KIFC3: variants seen among roughly 807,000 people sequenced by gnomAD.
KIFC3 encodes the protein kinesin family member C3, also known as kinesin-like protein KIFC3.
A neutral mutation model predicts 101.8 loss-of-function variants in KIFC3; 60 were observed. The observed-to-expected ratio is 0.59, with a 90% CI of 0.48 to 0.73. The LOEUF (loss-of-function observed/expected upper bound fraction) is 0.73, where lower values mean the gene tolerates loss of function less well. Among genes scored for constraint, KIFC3 ranks in the 30% least tolerant of loss-of-function variants. The pLI is 0.00. For synonymous variants in KIFC3, 476 were observed against 482.7 expected (o/e 0.99, Z 0.18); for missense variants, 966 against 1,137.1 (o/e 0.85, Z 2.16).
At position 57,759,168 on chromosome 16, in the gene KIFC3, A is replaced by G. The variant is rs1281001804; in HGVS notation, c.2477-15T>C. On this transcript the variant is annotated splice_polypyrimidine_tract_variant and intron_variant, in intron 18 of 19. Coordinates refer to ENST00000445690, the MANE Select transcript of KIFC3 (RefSeq NM_001130100.2). ...CAGCCGTCAGGCTGAAATCAAAGTG[A>G]CAGGCGTCTCACTGGTGGGCTTGCC... 6.4e-7 allele frequency: 1 copy of G among 1,550,820 alleles called. No homozygotes were observed. The highest frequency in any genetic ancestry group is 2.4e-5 in the East Asian group (1 of 40,932).
intron 1 of KIFC3, among the ~76,000 whole-genome samples, chr16:57,824,615 G>T (rs1333480273): frequency 6.6e-6 from 1 of 152,152 alleles, no homozygotes; most frequent in Admixed American, 6.5e-5. Context: ...CACAGGAGGC[G>T]GAGGTTGCAG....
rs782544675 is a variant in KIFC3, at chr16:57,771,313, A to T, written c.650T>A (p.Leu217Gln). ...QKTDRLAEVE[L>Q]RLKDCLAEKA... ...CTCAGCCAGGCAGTCCTTGAGTCGC[A>T]GCTCCACCTCAGCCAGCCGGTCGGT... The change falls in exon 6 of 20, where the codon CTG becomes CAG. Residue 217 changes from leucine (L) to glutamine (Q), a missense_variant. Coordinates refer to ENST00000445690, the MANE Select transcript of KIFC3 (RefSeq NM_001130100.2). 1 of 1,613,598 alleles carries T rather than the reference A, an allele frequency of 6.2e-7. No homozygotes were observed.
chr16:57,860,803 C>G (rs1204234843), intron 1 of KIFC3, among the ~76,000 whole-genome samples: 1 of 152,108 alleles, frequency 6.6e-6, no homozygotes. Context: ...GTCTCAACCT[C>G]CCAGGCTCCA....
chr16:57,790,380 C>CTTTTTTT (rs200519923), intron 3 of KIFC3, among the ~76,000 whole-genome samples: 1 of 129,228 alleles, frequency 7.7e-6, no homozygotes, highest in Non-Finnish European at 1.6e-5. Context: ...CCATGCCCAG[C>CTTTTTTT]TTTTTTTTTT....
intron 1 of KIFC3, among the ~76,000 whole-genome samples, chr16:57,808,915 T>C (rs928215920): frequency 6.6e-6 from 1 of 152,218 alleles, no homozygotes; most frequent in African/African-American, 2.4e-5. Flanking sequence ...TGGCACACAA[T>C]TGGCATTTCT....
rs1016234011 is a variant in KIFC3 at position 57,765,553 on chromosome 16, G to A, written c.1418C>T (p.Ala473Val). 3 of 1,605,506 alleles carry A rather than the reference G, an allele frequency of 1.9e-6. No individual in the cohort carries two copies. The highest frequency in any genetic ancestry group is 2.6e-6 in the Non-Finnish European group (3 of 1,175,638). The change falls in exon 11 of 20, where the codon GCC becomes GTC. Residue 473 changes from alanine (A) to valine (V), a missense_variant. Physicochemically the swap from Ala to Val is moderately conservative, Grantham distance 64 (BLOSUM62 0). Transcript: ENST00000445690. ...CAGGTGGATGATGGAGTCGTCGTCG[G>A]CATCGAAAGTCACAGCATTGGTGGC... Reference protein sequence around the residue: ...PEATNAVTFDADDDSIIHLLH... With the variant: ...PEATNAVTFDVDDDSIIHLLH...
chr16:57,828,556 C>T (rs180920584), intron 1 of KIFC3, among the ~76,000 whole-genome samples: 46 of 152,320 alleles, frequency 3.0e-4, no homozygotes, highest in Admixed American at 7.8e-4. Flanking sequence ...TGGGGCCCCG[C>T]GGCATTGGAC....
At chr16:57,768,278 G>A (rs2050717009) in intron 9 of KIFC3, among the ~76,000 whole-genome samples, 1 of 152,054 alleles carries the variant, frequency 6.6e-6, no homozygotes, top group African/African-American at 2.4e-5. Context: ...CCCGGGAGGT[G>A]GGGGTTGCAG....
At chr16:57,844,434 G>GA (rs66460592) in intron 1 of KIFC3, among the ~76,000 whole-genome samples, 69,083 of 117,734 alleles carry the variant, frequency 0.59, 20,912 homozygotes, top group Non-Finnish European at 0.67. Context: ...CAGTCTCAGG[G>GA]AAAAAAAAAA....
rs1555592572 is a variant in KIFC3, at chr16:57,758,968, G to A, written c.*25-59C>T. ...ACTTGCCCACCGGCAGCCCACAGCAGTTGCCACCGAGAGCAGGAGGGAACC... is the reference window on the plus strand; with the variant it reads ...ACTTGCCCACCGGCAGCCCACAGCAATTGCCACCGAGAGCAGGAGGGAACC... On this transcript the variant is annotated intron_variant, in intron 19 of 19. Transcript: ENST00000445690. 6 of 1,544,462 alleles carry A rather than the reference G, an allele frequency of 3.9e-6. No individual in the cohort carries two copies. In the African/African-American group the frequency reaches 4.1e-5, roughly 11 times the overall value.
intron 1 of KIFC3, among the ~76,000 whole-genome samples, chr16:57,836,454 G>A (rs2055689840): frequency 6.6e-6 from 1 of 152,052 alleles, no homozygotes; most frequent in African/African-American, 2.4e-5. Context: ...GCTTGGTGGA[G>A]CTAAGAGCAT....
chr16:57,776,856 G>A (rs1162869597), intron 3 of KIFC3: 1 of 152,198 alleles, frequency 6.6e-6, no homozygotes, highest in Non-Finnish European at 1.5e-5. Flanking sequence ...GGTGCCATGT[G>A]GGAATGTCAG....
In KIFC3 at chr16:57,772,211, T is replaced by C; in HGVS notation, c.381+12A>G. 6.2e-6 allele frequency: 10 copies of C among 1,612,450 alleles called. No homozygotes were observed. Among genetic ancestry groups the C allele is most frequent in the Non-Finnish European group, 8.5e-6 (10 of 1,179,352 alleles). On this transcript the variant is annotated intron_variant, in intron 4 of 19. Coordinates refer to ENST00000445690, the MANE Select transcript of KIFC3 (RefSeq NM_001130100.2). ...GGCCCTGCGCTACCCCAGGACAGCC[T>C]TGTGGCCTCACCAGCTCAGATCGCA...
In KIFC3 at chr16:57,758,398, C is replaced by T. The variant is rs963330893; in HGVS notation, c.*536G>A. ...CCATAAACACAGCACGGCCCCGTGG[C>T]GGGAGGCCATGCGCCTCCGCACACC... is the stretch of plus-strand genomic sequence containing the variant. On this transcript the variant is annotated 3_prime_UTR_variant, in exon 20 of 20. Coordinates refer to ENST00000445690, the MANE Select transcript of KIFC3 (RefSeq NM_001130100.2). 4.5e-5 allele frequency: 16 copies of T among 352,222 alleles called. No individual in the cohort carries two copies. The highest frequency in any genetic ancestry group is 4.4e-4 in the Admixed American group (11 of 24,972). 21.8% of individuals were successfully genotyped at this position (352,222 alleles called of 1,614,324 possible).
At chr16:57,800,648 G>A (rs185760794) in intron 1 of KIFC3, among the ~76,000 whole-genome samples, 7 of 152,284 alleles carry the variant, frequency 4.6e-5, no homozygotes, top group African/African-American at 1.4e-4. Flanking sequence ...GCGTTTCTGC[G>A]GTTATCAGGA....
At chr16:57,821,489 G>A (rs1196564702) in intron 1 of KIFC3, among the ~76,000 whole-genome samples, 1 of 151,992 alleles carries the variant, frequency 6.6e-6, no homozygotes, top group African/African-American at 2.4e-5. Context: ...AACCTATAAC[G>A]AGGACTTGAA....
chr16:57,775,136 C>G lies in KIFC3; in HGVS notation c.316-2848G>C, dbSNP rs1329766780. The G allele has an allele frequency of 2.9e-6, 4 of 1,380,104 alleles. No homozygotes were observed. The Admixed American group carries it at 1.4e-4, about 47-fold the overall frequency. The allele number at this position is 1,380,104 out of a possible 1,614,324, so 85.5% of individuals were successfully genotyped here. A position where few individuals can be genotyped will look rare whatever the true frequency, so the allele number is the denominator to read the frequency against. ...TCTGTCCTTGCATCACAATGGGAAC[C>G]TGGGGGCTCCTGGGCTCTGTCCAGA... On this transcript the variant is annotated intron_variant, in intron 3 of 19. Coordinates refer to ENST00000445690, the MANE Select transcript of KIFC3 (RefSeq NM_001130100.2).
At chr16:57,830,294 A>G (rs1404176923) in intron 1 of KIFC3, among the ~76,000 whole-genome samples, 2 of 145,946 alleles carry the variant, frequency 1.4e-5, no homozygotes, top group Non-Finnish European at 3.0e-5. Flanking sequence ...CTGGAGTGCA[A>G]TGGTGTAATC....
Position 57,759,166 on chromosome 16 carries a change from T to G in KIFC3, c.2477-13A>C, listed in dbSNP as rs1443158374. On this transcript the variant is annotated splice_polypyrimidine_tract_variant and intron_variant, in intron 18 of 19. Transcript: ENST00000445690. Reference sequence around the variant, plus strand: ...CCCAGCCGTCAGGCTGAAATCAAAGTGACAGGCGTCTCACTGGTGGGCTTG... The same window carrying G: ...CCCAGCCGTCAGGCTGAAATCAAAGGGACAGGCGTCTCACTGGTGGGCTTG... The G allele has an allele frequency of 6.4e-7, 1 of 1,550,816 alleles. No homozygotes were observed. The highest frequency in any genetic ancestry group is 8.7e-7 in the Non-Finnish European group (1 of 1,146,984).
Sources: allele counts gnomAD v4.1 joint callset (sites outside exome capture counted in the v4.1 genomes callset), GRCh38; gene constraint gnomAD v4.1.1; transcripts MANE v1.5; gene names NCBI Gene and HGNC (gene_info 2026-07-23, HGNC 2026-07-21).